Variants in PLD5 observed in about 807,000 individuals in gnomAD.
PLD5 encodes the protein phospholipase D family member 5, also known as inactive phospholipase D5.
Under a neutral mutation model 61.1 loss-of-function variants are expected in PLD5, and 36 were observed. The ratio of observed to expected loss-of-function variants is 0.59; its 90% confidence interval spans 0.45 to 0.78. The LOEUF (loss-of-function observed/expected upper bound fraction) is 0.78, where lower values mean the gene tolerates loss of function less well. Ranked by LOEUF, PLD5 falls within the 30% of genes least tolerant of loss-of-function variation. The pLI is 0.00. For synonymous variants in PLD5, 243 were observed against 242.8 expected (o/e 1.00, Z -0.01); for missense variants, 515 against 644.4 (o/e 0.80, Z 2.17).
rs542305546 is a variant in PLD5, at chr1:242,113,336, G to A, written c.1070+554C>T. On this transcript the variant is annotated intron_variant, in intron 7 of 9. Transcript: ENST00000536534. ...TCTCGATCTCCTGACCTCGTGATCCGCCCGCCTCGGCCTCCCAAAGTGCTG... is the reference window on the plus strand; with the variant it reads ...TCTCGATCTCCTGACCTCGTGATCCACCCGCCTCGGCCTCCCAAAGTGCTG... Among the ~76,000 whole-genome samples the A allele has an allele frequency of 1.4e-3, 206 of 152,002 alleles. 3 individuals are homozygous for A. Among genetic ancestry groups the A allele is most frequent in the East Asian group, 6.2e-3 (32 of 5,162 alleles).
At position 242,307,648 on chromosome 1, in the gene PLD5, T is replaced by C. The variant is rs531850418; in HGVS notation, c.327-19118A>G. ...TTCTCTCACACTGTGTGTATGTGAC[T>C]GTATCAGGACAACAGTTCAAAACCA... On this transcript the variant is annotated intron_variant, in intron 2 of 9. Transcript: ENST00000536534. 2.0e-5 allele frequency among the ~76,000 whole-genome samples: 3 copies of C among 152,158 alleles called. No individual in the cohort carries two copies. In the East Asian group the frequency reaches 5.8e-4, roughly 29 times the overall value.
intron 1 of PLD5, among the ~76,000 whole-genome samples, chr1:242,510,216 T>TAC (rs754623206): frequency 4.6e-5 from 7 of 151,044 alleles, no homozygotes; most frequent in East Asian, 1.9e-4. Flanking sequence ...TCTAAGCACA[T>TAC]ACACACACAC....
At chr1:242,145,073 G>A (rs1664451801) in intron 5 of PLD5, among the ~76,000 whole-genome samples, 2 of 152,154 alleles carry the variant, frequency 1.3e-5, no homozygotes, top group South Asian at 4.1e-4. Context: ...CTAACACATG[G>A]TGCAACTGAG....
intron 4 of PLD5, among the ~76,000 whole-genome samples, chr1:242,226,660 C>T (rs935835518): frequency 4.6e-5 from 7 of 152,088 alleles, no homozygotes; most frequent in African/African-American, 1.2e-4. Flanking sequence ...TAAAGTGATG[C>T]GGCTAACCTC....
chr1:242,378,910 T>G (rs1359767902), intron 1 of PLD5, among the ~76,000 whole-genome samples: 1 of 152,116 alleles, frequency 6.6e-6, no homozygotes, highest in African/African-American at 2.4e-5. Flanking sequence ...AACCAACAAC[T>G]GGAAGGTTTG....
rs1237443097 is a variant in PLD5, at chr1:242,085,423, TTC to T, written c.*4429_*4430del. On this transcript the variant is annotated 3_prime_UTR_variant, in exon 10 of 10. Coordinates refer to ENST00000536534, the MANE Select transcript of PLD5 (RefSeq NM_001372062.1). ...TTCATAATTCAGCCAAAGATGGGAA[TTC>T]TCTCAAATGAGAAAGACAGGCTGCG... is the stretch of plus-strand genomic sequence containing the variant. The T allele has an allele frequency of 6.6e-6, 1 of 152,192 alleles. No individual in the cohort carries two copies. Among genetic ancestry groups the T allele is most frequent in the Non-Finnish European group, 1.5e-5 (1 of 68,040 alleles). 9.4% of individuals were successfully genotyped at this position (152,192 alleles called of 1,614,324 possible). A position where few individuals can be genotyped will look rare whatever the true frequency, so the allele number is the denominator to read the frequency against.
chr1:242,527,114 CTTTTTTTTTTTT>C (rs530334746), upstream of PLD5, among the ~76,000 whole-genome samples: 17 of 71,944 alleles, frequency 2.4e-4, no homozygotes, highest in Admixed American at 3.8e-4. Context: ...CTATCTCCTT[CTTTTTTTTTTTT>C]TTTTTTTTTT....
At chr1:242,186,043 G>A (rs1667854330) in intron 5 of PLD5, among the ~76,000 whole-genome samples, 2 of 151,844 alleles carry the variant, frequency 1.3e-5, no homozygotes, top group African/African-American at 4.8e-5. Flanking sequence ...CAATTTCTTG[G>A]CAATTATCCC....
At chr1:242,126,284 T>A (rs1662777294) in intron 5 of PLD5, among the ~76,000 whole-genome samples, 1 of 152,132 alleles carries the variant, frequency 6.6e-6, no homozygotes, top group Non-Finnish European at 1.5e-5. Flanking sequence ...AATACCACCA[T>A]CATTCTTCAC....
intron 1 of PLD5, among the ~76,000 whole-genome samples, chr1:242,451,231 G>A (rs1666764999): frequency 6.6e-6 from 1 of 152,094 alleles, no homozygotes; most frequent in Non-Finnish European, 1.5e-5. Context: ...TACCTGTTCT[G>A]CAAGGTGCAG....
At chr1:242,285,467 T>C (rs571941563) in intron 3 of PLD5, among the ~76,000 whole-genome samples, 2 of 152,306 alleles carry the variant, frequency 1.3e-5, no homozygotes, top group Admixed American at 1.3e-4. Context: ...CACCACACTT[T>C]AGCCTCGGCA....
intron 1 of PLD5, among the ~76,000 whole-genome samples, chr1:242,439,007 T>G (rs1013641881): frequency 5.3e-5 from 8 of 152,216 alleles, no homozygotes; most frequent in Admixed American, 5.2e-4. Context: ...TATTTCTGTT[T>G]TCTTTACATG....
At chr1:242,226,736 A>G (rs952624984) in intron 4 of PLD5, among the ~76,000 whole-genome samples, 2 of 152,198 alleles carry the variant, frequency 1.3e-5, no homozygotes, top group Non-Finnish European at 2.9e-5. Flanking sequence ...TACTCATTAT[A>G]ACTCCTTTGA....
intron 1 of PLD5, among the ~76,000 whole-genome samples, chr1:242,378,373 C>G (rs1662085392): frequency 6.6e-6 from 1 of 152,016 alleles, no homozygotes. Flanking sequence ...GAATGGGGAG[C>G]AATTGCTTAA....
In PLD5 at chr1:242,090,068, C is replaced by T; in HGVS notation, c.1397G>A (p.Gly466Asp). 2 of 1,614,152 alleles carry T rather than the reference C, an allele frequency of 1.2e-6. No individual in the cohort carries two copies. Among genetic ancestry groups the T allele is most frequent in the Admixed American group, 1.7e-5 (1 of 60,024 alleles). ...WVGNDFTQNA[G>D]TGLVINQADV... ...TGCCTGGTTGATAACAAGGCCCGTGCCAGCATTCTGAGTGAAATCATTCCC... is the reference window on the plus strand; with the variant it reads ...TGCCTGGTTGATAACAAGGCCCGTGTCAGCATTCTGAGTGAAATCATTCCC... The change falls in exon 10 of 10, where the codon GGC (glycine) becomes GAC (aspartate). Residue 466 changes from glycine to aspartate, a missense_variant. Coordinates refer to ENST00000536534, the MANE Select transcript of PLD5 (RefSeq NM_001372062.1).
intron 4 of PLD5, among the ~76,000 whole-genome samples, chr1:242,247,720 G>A (rs529021072): frequency 2.6e-5 from 4 of 152,124 alleles, no homozygotes; most frequent in Non-Finnish European, 4.4e-5. Context: ...CAGCAGGCTG[G>A]GGGGCTTGGG....
chr1:242,127,197 C>T (rs547619448), intron 5 of PLD5, among the ~76,000 whole-genome samples: 58 of 152,180 alleles, frequency 3.8e-4, no homozygotes, highest in African/African-American at 1.1e-3. Flanking sequence ...GCTTCTACAC[C>T]GCTGGAGGGA....
At chr1:242,152,503 C>T (rs1301464487) in intron 5 of PLD5, among the ~76,000 whole-genome samples, 2 of 152,100 alleles carry the variant, frequency 1.3e-5, no homozygotes, top group African/African-American at 4.8e-5. Flanking sequence ...TATCCCTCCC[C>T]TAGCCCCCTA....
At chr1:242,219,086 A>G (rs1325199193) in intron 5 of PLD5, among the ~76,000 whole-genome samples, 1 of 152,226 alleles carries the variant, frequency 6.6e-6, no homozygotes, top group Non-Finnish European at 1.5e-5. Flanking sequence ...CTCTTGGAAA[A>G]TGTATAATTC....
Sources: allele counts gnomAD v4.1 joint callset (sites outside exome capture counted in the v4.1 genomes callset), GRCh38; gene constraint gnomAD v4.1.1; transcripts MANE v1.5; gene names NCBI Gene and HGNC (gene_info 2026-07-23, HGNC 2026-07-21).